Variants in SFRP1 observed in about 807,000 individuals in gnomAD.
SFRP1 encodes secreted frizzled related protein 1, also known as secreted frizzled-related protein 1.
In SFRP1, 9 loss-of-function variants were observed where a neutral mutation model predicts 25.9. The observed-to-expected ratio is 0.35, with a 90% CI of 0.21 to 0.61. The LOEUF (loss-of-function observed/expected upper bound fraction) is 0.61. Among genes scored for constraint, SFRP1 ranks in the 20% least tolerant of loss-of-function variants. The pLI is 0.78. For missense variants in SFRP1, 346 were observed against 418.2 expected (o/e 0.83, Z 1.51); for synonymous variants, 178 against 174.0 (o/e 1.02, Z -0.18).
chr8:41,300,523 G>T (rs999614894), intron 2 of SFRP1, among the ~76,000 whole-genome samples: 1 of 152,176 alleles, frequency 6.6e-6, no homozygotes. Context: ...AAGCTTACGG[G>T]TGTTTACAGA....
chr8:41,277,007 T>C (rs1304393656), intron 2 of SFRP1: 1 of 456,222 alleles, frequency 2.2e-6, no homozygotes, highest in East Asian at 6.9e-5. Context: ...GCTAACTGCT[T>C]GATTTCCTGG....
At chr8:41,302,044 TAA>T (rs1803924358) in intron 2 of SFRP1, among the ~76,000 whole-genome samples, 1 of 152,254 alleles carries the variant, frequency 6.6e-6, no homozygotes, top group African/African-American at 2.4e-5. Flanking sequence ...CTGTCTTTTT[TAA>T]AAAACAATAC....
At chr8:41,287,947 C>T (rs1803726825) in intron 2 of SFRP1, among the ~76,000 whole-genome samples, 1 of 152,166 alleles carries the variant, frequency 6.6e-6, no homozygotes, top group South Asian at 2.1e-4. Context: ...TAGAGGAGAA[C>T]TGCACTTTGT....
chr8:41,306,667 C>T, intron 1 of SFRP1: 2 of 1,575,570 alleles, frequency 1.3e-6, no homozygotes, highest in East Asian at 2.3e-5. Context: ...CCCGACCGGC[C>T]CTCTCCCCAC....
intron 2 of SFRP1, among the ~76,000 whole-genome samples, chr8:41,289,783 A>G (rs1297472014): frequency 6.6e-6 from 1 of 152,244 alleles, no homozygotes; most frequent in Non-Finnish European, 1.5e-5. Flanking sequence ...GTGTTCCCCA[A>G]ACTTACAAAG....
intron 2 of SFRP1, chr8:41,270,944 C>A (rs942402842): frequency 6.6e-6 from 1 of 152,436 alleles, no homozygotes; most frequent in Admixed American, 6.5e-5. Context: ...TGCGTGAACA[C>A]CAAAGGGTTA....
intron 2 of SFRP1, among the ~76,000 whole-genome samples, chr8:41,297,156 G>T (rs1803853800): frequency 6.6e-6 from 1 of 152,112 alleles, no homozygotes; most frequent in African/African-American, 2.4e-5. Flanking sequence ...TGATTCTCCT[G>T]CCTCGGCCTC....
At position 41,262,492 on chromosome 8, in the gene SFRP1, G is replaced by C. The variant is rs1427584544; in HGVS notation, c.*2675C>G. Reference sequence around the variant, plus strand: ...CTAACCCACAGGTACCAAGAGCCAAGTGTTACACAGGATATTTTAAAAATA... The same window carrying C: ...CTAACCCACAGGTACCAAGAGCCAACTGTTACACAGGATATTTTAAAAATA... On this transcript the variant is annotated 3_prime_UTR_variant, in exon 3 of 3. Transcript: ENST00000220772. 6.6e-6 allele frequency: 1 copy of C among 152,218 alleles called. No homozygotes were observed. The highest frequency in any genetic ancestry group is 1.9e-4 in the East Asian group (1 of 5,202). The allele number at this position is 152,218 out of a possible 1,614,324, so 9.4% of individuals were successfully genotyped here. A position where few individuals can be genotyped will look rare whatever the true frequency, so the allele number is the denominator to read the frequency against.
In SFRP1 at chr8:41,265,112, T is replaced by TAC; in HGVS notation, c.*54_*55insGT. ...GACCCACCGGGTTCCCGGGGCACTG[T>TAC]CCCCCCCGCTCCCACCCCACCCGAG... is the stretch of plus-strand genomic sequence containing the variant. On this transcript the variant is annotated 3_prime_UTR_variant, in exon 3 of 3. Coordinates refer to ENST00000220772, the MANE Select transcript of SFRP1 (RefSeq NM_003012.5). 30 of 517,762 alleles carry TAC rather than the reference T, an allele frequency of 5.8e-5. No homozygotes were observed. Among genetic ancestry groups the TAC allele is most frequent in the East Asian group, 1.1e-4 (3 of 28,056 alleles). 32.1% of individuals were successfully genotyped at this position (517,762 alleles called of 1,614,324 possible). A position where few individuals can be genotyped will look rare whatever the true frequency, so the allele number is the denominator to read the frequency against.
rs1379167578 is a variant in SFRP1, at chr8:41,262,503, G to C, written c.*2664C>G. The C allele has an allele frequency of 6.6e-6, 1 of 152,110 alleles. No homozygotes were observed. Among genetic ancestry groups the C allele is most frequent in the Non-Finnish European group, 1.5e-5 (1 of 68,010 alleles). 9.4% of individuals were successfully genotyped at this position (152,110 alleles called of 1,614,324 possible). A position where few individuals can be genotyped will look rare whatever the true frequency, so the allele number is the denominator to read the frequency against. On this transcript the variant is annotated 3_prime_UTR_variant, in exon 3 of 3. Coordinates refer to ENST00000220772, the MANE Select transcript of SFRP1 (RefSeq NM_003012.5). ...GTACCAAGAGCCAAGTGTTACACAG[G>C]ATATTTTAAAAATAAAATGTTTTTG...
intron 2 of SFRP1, among the ~76,000 whole-genome samples, chr8:41,276,647 A>T (rs1803575586): frequency 6.6e-6 from 1 of 152,230 alleles, no homozygotes; most frequent in Non-Finnish European, 1.5e-5. Context: ...AACAAAAAAA[A>T]CTAAACTAAA....
intron 2 of SFRP1, among the ~76,000 whole-genome samples, chr8:41,301,786 A>G (rs760989407): frequency 6.6e-6 from 1 of 152,232 alleles, no homozygotes; most frequent in African/African-American, 2.4e-5. Flanking sequence ...CCAAACAGCT[A>G]ATCACTCAGA....
chr8:41,265,674 C>A (rs1228491843), intron 2 of SFRP1, among the ~76,000 whole-genome samples, 185 bp from the exon 3 acceptor site: 1 of 152,068 alleles, frequency 6.6e-6, no homozygotes, highest in Non-Finnish European at 1.5e-5. Context: ...GAGTTGGTTT[C>A]ATGGGTATAC....
chr8:41,308,509 G>T, intron 1 of SFRP1, 107 bp downstream of exon 1: 1 of 910,400 alleles, frequency 1.1e-6, no homozygotes, highest in Non-Finnish European at 1.6e-6. Context: ...TCAGTCCCCA[G>T]CACCGGGACC....
At chr8:41,295,742 G>A (rs898532574) in intron 2 of SFRP1, among the ~76,000 whole-genome samples, 40 of 138,662 alleles carry the variant, frequency 2.9e-4, no homozygotes, top group Non-Finnish European at 5.9e-4. Context: ...AGTATCTGCA[G>A]CATTTTTTTT....
chr8:41,272,388 T>G (rs1350761061), intron 2 of SFRP1, among the ~76,000 whole-genome samples: 1 of 152,206 alleles, frequency 6.6e-6, no homozygotes, highest in Non-Finnish European at 1.5e-5. Flanking sequence ...GTGGATCACT[T>G]GGGGCCAAGA....
At chr8:41,271,333 G>A (rs1164839155) in intron 2 of SFRP1, 1 of 153,408 alleles carries the variant, frequency 6.5e-6, no homozygotes, top group Non-Finnish European at 1.5e-5. Flanking sequence ...ATACAAAACA[G>A]AAAAGGAAGA....
intron 2 of SFRP1, among the ~76,000 whole-genome samples, chr8:41,266,246 C>T (rs1385532729): frequency 1.3e-5 from 2 of 152,108 alleles, no homozygotes; most frequent in Non-Finnish European, 2.9e-5. Context: ...TGGTATCTCT[C>T]TGTAATGGCC....
At chr8:41,295,302 A>G (rs1803829820) in intron 2 of SFRP1, among the ~76,000 whole-genome samples, 1 of 152,174 alleles carries the variant, frequency 6.6e-6, no homozygotes, top group South Asian at 2.1e-4. Flanking sequence ...CAGAGGTTGC[A>G]GTGAGCCAAG....
Sources: gnomAD v4.1 joint callset for allele counts (sites outside exome capture counted in the v4.1 genomes callset) on GRCh38, gnomAD v4.1.1 for gene constraint, MANE v1.5 for transcripts, NCBI Gene and HGNC (gene_info 2026-07-23, HGNC 2026-07-21) for gene names.